Variants in TMTC2 observed in about 807,000 individuals in gnomAD.
TMTC2 encodes protein O-mannosyl-transferase TMTC2.
TMTC2 carries 43 observed loss-of-function variants against 82.4 expected under a neutral mutation model. The observed-to-expected ratio is 0.52, with a 90% confidence interval of 0.41 to 0.67. The LOEUF (loss-of-function observed/expected upper bound fraction) is 0.67. Among genes scored for constraint, TMTC2 ranks in the 30% least tolerant of loss-of-function variants. The pLI is 0.00. For synonymous variants in TMTC2, 408 were observed against 381.9 expected (o/e 1.07, Z -0.80); for missense variants, 919 against 1,012.4 (o/e 0.91, Z 1.25).
chr12:83,015,111 T>C (rs767059454), intron 8 of TMTC2, among the ~76,000 whole-genome samples: 6 of 152,230 alleles, frequency 3.9e-5, no homozygotes, highest in Non-Finnish European at 8.8e-5. Context: ...CAATGCTTGT[T>C]TTAAAATAGA....
chr12:83,102,022 A>G (rs1884235607), intron 11 of TMTC2, among the ~76,000 whole-genome samples: 1 of 152,246 alleles, frequency 6.6e-6, no homozygotes, highest in African/African-American at 2.4e-5. Context: ...AGATAATTCC[A>G]AAATATTGCA....
At chr12:82,879,813 A>G (rs1323382576) in intron 2 of TMTC2, among the ~76,000 whole-genome samples, 1 of 152,214 alleles carries the variant, frequency 6.6e-6, no homozygotes, top group African/African-American at 2.4e-5. Flanking sequence ...TAAAATGTTT[A>G]ATAAACATTC....
chr12:83,044,388 C>T (rs1019380748), intron 9 of TMTC2, among the ~76,000 whole-genome samples: 2 of 152,132 alleles, frequency 1.3e-5, no homozygotes, highest in African/African-American at 2.4e-5. Context: ...TGATGTATTA[C>T]AGGAACAGTA....
At chr12:82,797,487 C>G (rs909318960) in intron 1 of TMTC2, among the ~76,000 whole-genome samples, 1 of 152,068 alleles carries the variant, frequency 6.6e-6, no homozygotes, top group Non-Finnish European at 1.5e-5. Flanking sequence ...GGTACGGTCT[C>G]CTGATACATG....
intron 7 of TMTC2, among the ~76,000 whole-genome samples, chr12:82,984,944 T>A (rs566229487): frequency 2.0e-5 from 3 of 152,164 alleles, no homozygotes; most frequent in Non-Finnish European, 2.9e-5. Flanking sequence ...ACACTCATGT[T>A]GTATGTAGTG....
At position 82,966,801 on chromosome 12, in the gene TMTC2, A is replaced by C. The variant is rs921656882; in HGVS notation, c.1870-118A>C. ...CAGTTCAATTATTTTCCTCTAGTGA[A>C]CCATTTAGAAATAGCAGTGGATGGT... On this transcript the variant is annotated intron_variant, in intron 6 of 11. Transcript: ENST00000321196. 1.7e-5 allele frequency: 11 copies of C among 645,100 alleles called. No homozygotes were observed. In the African/African-American group the frequency reaches 2.0e-4, roughly 12 times the overall value. 40.0% of individuals were successfully genotyped at this position (645,100 alleles called of 1,614,324 possible).
intron 8 of TMTC2, among the ~76,000 whole-genome samples, chr12:83,023,402 T>C (rs1486195116): frequency 6.6e-6 from 1 of 152,232 alleles, no homozygotes; most frequent in African/African-American, 2.4e-5. Flanking sequence ...TCCACTTCTT[T>C]ATCTTGGAGT....
At chr12:82,856,843 A>G (rs1871279396) in intron 1 of TMTC2, among the ~76,000 whole-genome samples, 167 bp from the exon 2 acceptor site, 1 of 152,190 alleles carries the variant, frequency 6.6e-6, no homozygotes, top group African/African-American at 2.4e-5. Flanking sequence ...TTGTGGTTTT[A>G]GTAAGCATTA....
At chr12:82,847,921 T>C (rs1432747399) in intron 1 of TMTC2, among the ~76,000 whole-genome samples, 1 of 152,128 alleles carries the variant, frequency 6.6e-6, no homozygotes, top group East Asian at 1.9e-4. Context: ...GTTGTGCACA[T>C]GTACCCTAGA....
chr12:82,871,382 A>G (rs561782292), intron 2 of TMTC2, among the ~76,000 whole-genome samples: 1 of 146,996 alleles, frequency 6.8e-6, no homozygotes, highest in Non-Finnish European at 1.5e-5. Flanking sequence ...TTTTTTTCAC[A>G]TTACTTGGCT....
chr12:83,072,677 C>T (rs1883157846), intron 11 of TMTC2, among the ~76,000 whole-genome samples: 1 of 152,060 alleles, frequency 6.6e-6, no homozygotes, highest in Non-Finnish European at 1.5e-5. Flanking sequence ...AATTTGGGAG[C>T]TCCAGTGTTA....
intron 11 of TMTC2, among the ~76,000 whole-genome samples, chr12:83,115,911 C>T (rs554767335): frequency 1.3e-4 from 20 of 152,202 alleles, no homozygotes; most frequent in African/African-American, 4.6e-4. Flanking sequence ...CCTCAGCCTC[C>T]GTAGTAGCTG....
At position 82,903,434 on chromosome 12, in the gene TMTC2, C is replaced by T. The variant is rs577015720; in HGVS notation, c.1483+6788C>T. On this transcript the variant is annotated intron_variant, in intron 3 of 11. Coordinates refer to ENST00000321196, the MANE Select transcript of TMTC2 (RefSeq NM_152588.3). ...TTGTTTTTGTTTTGTTTTTTTGAGA[C>T]AGAGTCTCGCTCTGTCGCCCAGGCT... 3.5e-5 allele frequency among the ~76,000 whole-genome samples: 5 copies of T among 141,418 alleles called. No homozygotes were observed. In the East Asian group the frequency reaches 9.7e-4, roughly 27 times the overall value. 92.8% of individuals were successfully genotyped at this position (141,418 alleles called of 152,430 possible). A position where few individuals can be genotyped will look rare whatever the true frequency, so the allele number is the denominator to read the frequency against.
At chr12:82,797,142 T>G (rs1878759609) in intron 1 of TMTC2, among the ~76,000 whole-genome samples, 1 of 152,172 alleles carries the variant, frequency 6.6e-6, no homozygotes. Flanking sequence ...CCTTGCTTTC[T>G]GCAACACTGA....
intron 11 of TMTC2, among the ~76,000 whole-genome samples, chr12:83,115,818 C>A (rs1884737040): frequency 6.6e-6 from 1 of 151,946 alleles, no homozygotes; most frequent in African/African-American, 2.4e-5. Context: ...TGAGACAAGT[C>A]TCAGTGTTGC....
At chr12:83,005,335 A>T (rs1880148320) in intron 8 of TMTC2, among the ~76,000 whole-genome samples, 1 of 149,398 alleles carries the variant, frequency 6.7e-6, no homozygotes, top group Non-Finnish European at 1.5e-5. Context: ...GTCTCCAAAA[A>T]AAAAAAAAAA....
intron 11 of TMTC2, among the ~76,000 whole-genome samples, chr12:83,086,472 C>T (rs971165571): frequency 6.6e-6 from 1 of 152,108 alleles, no homozygotes; most frequent in South Asian, 2.1e-4. Flanking sequence ...GTTCTGTCAC[C>T]CAGTTCCAGA....
chr12:83,125,293 T>C (rs1885069335), intron 11 of TMTC2, among the ~76,000 whole-genome samples: 1 of 152,208 alleles, frequency 6.6e-6, no homozygotes, highest in African/African-American at 2.4e-5. Flanking sequence ...GGCTATCTGG[T>C]TCCCAATGGA....
At chr12:83,043,022 A>T (rs1881952984) in intron 9 of TMTC2, among the ~76,000 whole-genome samples, 1 of 152,150 alleles carries the variant, frequency 6.6e-6, no homozygotes, top group Non-Finnish European at 1.5e-5. Context: ...GTCTCACGAA[A>T]ACCAGCATTT....
Sources: allele counts gnomAD v4.1 joint callset (sites outside exome capture counted in the v4.1 genomes callset), GRCh38; gene constraint gnomAD v4.1.1; transcripts MANE v1.5; gene names NCBI Gene and HGNC (gene_info 2026-07-23, HGNC 2026-07-21).